The following SLC19A1 variants were observed in gnomAD, a reference collection of about 807,000 sequenced individuals.
The protein encoded by SLC19A1 is solute carrier family 19 member 1.
Under a neutral mutation model 35.3 loss-of-function variants are expected in SLC19A1, and 37 were observed. The observed-to-expected ratio is 1.05, with a 90% confidence interval of 0.81 to 1.38. SLC19A1 has a LOEUF of 1.38. Ranked by LOEUF, SLC19A1 falls within the 40% of genes most tolerant of loss-of-function variation. SLC19A1 has a pLI of 0.00. For synonymous variants in SLC19A1, 460 were observed against 398.5 expected (o/e 1.15, Z -1.84); for missense variants, 831 against 826.9 (o/e 1.00, Z -0.06).
chr21:45,556,161 C>T (rs1194554707), intron 1 of SLC19A1, among the ~76,000 whole-genome samples: 3 of 152,240 alleles, frequency 2.0e-5, no homozygotes, highest in African/African-American at 7.2e-5. Flanking sequence ...CGTTCCAGTC[C>T]CCGGAAGAGG....
upstream of SLC19A1, among the ~76,000 whole-genome samples, chr21:45,543,129 C>G (rs1448718635): frequency 6.6e-6 from 1 of 152,178 alleles, no homozygotes; most frequent in East Asian, 1.9e-4. Flanking sequence ...AGGGACAGCC[C>G]GGGGGAGACC....
intron 3 of SLC19A1, among the ~76,000 whole-genome samples, chr21:45,503,766 C>T (rs1197630628): frequency 1.3e-5 from 2 of 151,220 alleles, no homozygotes; most frequent in African/African-American, 2.4e-5. Context: ...TGCACATGTA[C>T]CCTAAAACTT....
chr21:45,544,564 C>G (rs1815222121), upstream of SLC19A1, among the ~76,000 whole-genome samples: 1 of 152,174 alleles, frequency 6.6e-6, no homozygotes, highest in South Asian at 2.1e-4. Context: ...TTGCGTGTTT[C>G]ATTATCGGTT....
At chr21:45,551,545 C>T (rs1876492183) in intron 1 of SLC19A1, among the ~76,000 whole-genome samples, 1 of 152,162 alleles carries the variant, frequency 6.6e-6, no homozygotes, top group Non-Finnish European at 1.5e-5. Context: ...GGACTCATGA[C>T]TCATTACAGA....
intron 1 of SLC19A1, among the ~76,000 whole-genome samples, chr21:45,557,259 C>G (rs1322933246): frequency 2.6e-5 from 4 of 152,258 alleles, no homozygotes; most frequent in African/African-American, 9.6e-5. Flanking sequence ...GGGGCTCAGA[C>G]AGCGGCCCGG....
intron 5 of SLC19A1, among the ~76,000 whole-genome samples, chr21:45,519,220 A>G (rs2077365275): frequency 6.6e-6 from 1 of 152,136 alleles, no homozygotes; most frequent in Non-Finnish European, 1.5e-5. Flanking sequence ...TAAACCAAAC[A>G]AAATTCTAAA....
At chr21:45,529,173 C>T (rs2077756714) in intron 4 of SLC19A1, among the ~76,000 whole-genome samples, 1 of 152,154 alleles carries the variant, frequency 6.6e-6, no homozygotes, top group African/African-American at 2.4e-5. Context: ...CCGAGTATGG[C>T]AGGGGCGGGA....
At chr21:45,516,191 T>A in intron 5 of SLC19A1, 51 bp from the exon 6 acceptor site, 1 of 1,448,272 alleles carries the variant, frequency 6.9e-7, no homozygotes, top group Non-Finnish European at 9.6e-7. Context: ...GCTGGGACAC[T>A]GGCACCCTAC....
At position 45,531,705 on chromosome 21, in the gene SLC19A1, G is replaced by T. The variant is rs752257592; in HGVS notation, c.633C>A (p.Phe211Leu). 2 of 1,612,800 alleles carry T rather than the reference G, an allele frequency of 1.2e-6. No individual in the cohort carries two copies. The highest frequency in any genetic ancestry group is 1.7e-6 in the Non-Finnish European group (2 of 1,179,714). Residue 211 changes from phenylalanine to leucine, a missense_variant, in exon 3 of 6, where the codon TTC (phenylalanine) becomes TTA (leucine). Coordinates refer to ENST00000311124, the MANE Select transcript of SLC19A1 (RefSeq NM_194255.4). Reference protein sequence around the residue: ...LFLKRPKRSLFFNRDDRGRCE... With the variant: ...LFLKRPKRSLLFNRDDRGRCE... ...ACCGCCCCCGGTCGTCGCGGTTGAAGAAGAGGCTGCGCTTGGGGCGCTTCA... is the reference window on the plus strand; with the variant it reads ...ACCGCCCCCGGTCGTCGCGGTTGAATAAGAGGCTGCGCTTGGGGCGCTTCA...
intron 3 of SLC19A1, 61 bp downstream of exon 3, chr21:45,531,328 C>T: frequency 6.6e-7 from 1 of 1,525,502 alleles, no homozygotes; most frequent in Non-Finnish European, 8.8e-7. Context: ...ATCCACGGGG[C>T]AGGCGGAGGT....
intron 1 of SLC19A1, among the ~76,000 whole-genome samples, chr21:45,560,960 A>G (rs906735825): frequency 1.3e-5 from 2 of 152,218 alleles, no homozygotes; most frequent in Non-Finnish European, 2.9e-5. Flanking sequence ...TGCTCTTACA[A>G]CTGCTGTGGT....
chr21:45,559,051 T>C (rs1011187002), intron 1 of SLC19A1, among the ~76,000 whole-genome samples: 1 of 151,982 alleles, frequency 6.6e-6, no homozygotes, highest in African/African-American at 2.4e-5. Flanking sequence ...TCGTGATCCA[T>C]CCACCTCAGC....
At chr21:45,544,690 C>A (rs574051035), upstream of SLC19A1, among the ~76,000 whole-genome samples, 129 of 151,816 alleles carry the variant, frequency 8.5e-4, no homozygotes, top group African/African-American at 3.0e-3. Context: ...GGCCCTCCAG[C>A]CTGTAGGCTC....
chr21:45,534,598 G>A lies in SLC19A1; in HGVS notation c.190-2450C>T. The A allele has an allele frequency of 6.5e-7, 1 of 1,535,696 alleles. No homozygotes were observed. The highest frequency in any genetic ancestry group is 8.7e-7 in the Non-Finnish European group (1 of 1,146,874). ...CACCAGGAGCTGGCTCTGCAGGCTG[G>A]GGCCTCATCAGGCACCTCCTGGTCT... On this transcript the variant is annotated intron_variant, in intron 2 of 5. Transcript: ENST00000311124. This position sits in a 1 kb window ranked among gnomAD's most constrained non-coding sequence, Gnocchi z 4.2.
intron 3 of SLC19A1, chr21:45,504,277 C>G: frequency 2.1e-6 from 2 of 937,224 alleles, no homozygotes; most frequent in Non-Finnish European, 3.3e-6. Context: ...GGAGTCGAGC[C>G]CTATTCTATG....
rs545365795 is a variant in SLC19A1, at chr21:45,534,323, C to T, written c.190-2175G>A. ...GAACCCCTGCAGATTCCGAAAGAAG[C>T]GGCTCAGAGGCAGGGGTCCTCCTAG... On this transcript the variant is annotated intron_variant, in intron 2 of 5. Transcript: ENST00000311124. The surrounding 1 kb of genome is among the most constrained non-coding windows in gnomAD (Gnocchi z 4.2). 4.6e-5 allele frequency among the ~76,000 whole-genome samples: 7 copies of T among 152,274 alleles called. No homozygotes were observed. The South Asian group carries it at 6.2e-4, about 14-fold the overall frequency.
chr21:45,523,954 G>A (rs189128208), intron 5 of SLC19A1, among the ~76,000 whole-genome samples: 3 of 152,304 alleles, frequency 2.0e-5, no homozygotes, highest in Admixed American at 1.3e-4. Flanking sequence ...GAAGCCTTCT[G>A]GGCCCCCTTT....
At chr21:45,509,866 C>T (rs541821492), downstream of SLC19A1, among the ~76,000 whole-genome samples, 1 of 152,190 alleles carries the variant, frequency 6.6e-6, no homozygotes, top group African/African-American at 2.4e-5. Flanking sequence ...GGGGCACCCA[C>T]GTGGCCCGGG....
intron 3 of SLC19A1, chr21:45,504,160 C>A: frequency 7.5e-7 from 1 of 1,338,794 alleles, no homozygotes; most frequent in South Asian, 1.2e-5. Flanking sequence ...CCTTCCTGTT[C>A]AGCCCTGCGA....
Sources: gnomAD v4.1 joint callset for allele counts (sites outside exome capture counted in the v4.1 genomes callset) on GRCh38, gnomAD v4.1.1 for gene constraint, Gnocchi (gnomAD v3.1) non-coding constraint, MANE v1.5 for transcripts, NCBI Gene and HGNC (gene_info 2026-07-23, HGNC 2026-07-21) for gene names.